SGCZ: variants seen among roughly 807,000 people sequenced by gnomAD.
The protein encoded by SGCZ is sarcoglycan zeta.
A neutral mutation model predicts 41.3 loss-of-function variants in SGCZ; 40 were observed. That is an observed-to-expected ratio of 0.97 (90% confidence interval 0.75 to 1.26). The LOEUF (loss-of-function observed/expected upper bound fraction) is 1.26. Among genes scored for constraint, SGCZ ranks in the 50% most tolerant of loss-of-function variants. The pLI, the probability that SGCZ is intolerant of heterozygous loss-of-function variation, is 0.00. For synonymous variants in SGCZ, 206 were observed against 137.5 expected (o/e 1.50, Z -3.49); for missense variants, 552 against 369.8 (o/e 1.49, Z -4.04).
At chr8:14,152,546 C>G (rs975676680) in intron 5 of SGCZ, among the ~76,000 whole-genome samples, 4 of 152,072 alleles carry the variant, frequency 2.6e-5, no homozygotes, top group Non-Finnish European at 5.9e-5. Flanking sequence ...TATGACAACA[C>G]CAGACTGGAG....
intron 1 of SGCZ, among the ~76,000 whole-genome samples, chr8:14,744,442 G>A (rs1364898202): frequency 6.6e-6 from 1 of 152,058 alleles, no homozygotes; most frequent in Non-Finnish European, 1.5e-5. Context: ...TGCCTTGGTG[G>A]ATGTCATTTG....
chr8:14,856,665 G>A (rs1242685750), intron 1 of SGCZ, among the ~76,000 whole-genome samples: 2 of 152,066 alleles, frequency 1.3e-5, no homozygotes, highest in Non-Finnish European at 2.9e-5. Context: ...GTTCCAATAG[G>A]AAATAATTCA....
At chr8:14,242,775 A>G (rs1437896078) in intron 3 of SGCZ, among the ~76,000 whole-genome samples, 2 of 152,200 alleles carry the variant, frequency 1.3e-5, no homozygotes, top group Admixed American at 6.5e-5. Flanking sequence ...TTGGAACTCC[A>G]TAATTTTGTT....
chr8:14,414,790 G>A (rs867888876), intron 2 of SGCZ, among the ~76,000 whole-genome samples: 1 of 151,796 alleles, frequency 6.6e-6, no homozygotes, highest in African/African-American at 2.4e-5. Flanking sequence ...GGTAAATAAA[G>A]CCATATGTTA....
chr8:14,090,489 ACTC>A lies in SGCZ; in HGVS notation c.890_892del (p.Gly297del). 1 of 1,612,934 alleles carries A rather than the reference ACTC, an allele frequency of 6.2e-7. No individual in the cohort carries two copies. The highest frequency in any genetic ancestry group is 8.5e-7 in the Non-Finnish European group (1 of 1,179,364). ...GCTACTGGACTGACAAGTGGAACCTACTCCTGCTGGAGAAAGGTAAAGTTTGCC... is the reference window on the plus strand; with the variant it reads ...GCTACTGGACTGACAAGTGGAACCTACTGCTGGAGAAAGGTAAAGTTTGCC... On this transcript the variant is annotated inframe_deletion, in exon 8 of 8. Transcript: ENST00000382080.
intron 1 of SGCZ, among the ~76,000 whole-genome samples, chr8:14,692,661 G>A (rs1054097327): frequency 1.3e-5 from 2 of 152,108 alleles, no homozygotes; most frequent in Admixed American, 6.5e-5. Flanking sequence ...TGAACTATTT[G>A]TATCGCCATT....
At chr8:14,684,784 A>G (rs1485219237) in intron 1 of SGCZ, among the ~76,000 whole-genome samples, 1 of 152,088 alleles carries the variant, frequency 6.6e-6, no homozygotes, top group Non-Finnish European at 1.5e-5. Flanking sequence ...CCTTTCAAAA[A>G]AAAATCTACA....
intron 5 of SGCZ, among the ~76,000 whole-genome samples, chr8:14,160,778 T>C (rs1804020532): frequency 6.6e-6 from 1 of 152,110 alleles, no homozygotes; most frequent in African/African-American, 2.4e-5. Flanking sequence ...TCCTGCTGCT[T>C]TGTAGGTAGA....
At position 14,664,764 on chromosome 8, in the gene SGCZ, A is replaced by C. The variant is rs190742357; in HGVS notation, c.40-109838T>G. ...ATCAGCTGTTGACATTACTCTCATA[A>C]TTTGAATTCTGTGAACATTACTACA... On this transcript the variant is annotated intron_variant, in intron 1 of 7. Transcript: ENST00000382080. Among the ~76,000 whole-genome samples, 122 of 152,310 alleles carry C rather than the reference A, an allele frequency of 8.0e-4. 1 individual carries two copies. Among genetic ancestry groups the C allele is most frequent in the African/African-American group, 2.7e-3 (113 of 41,582 alleles).
chr8:15,107,631 C>G (rs908233590), intron 1 of SGCZ, among the ~76,000 whole-genome samples: 1 of 152,180 alleles, frequency 6.6e-6, no homozygotes, highest in African/African-American at 2.4e-5. Context: ...GCCTGCAGGA[C>G]TGTGAACTAC....
chr8:14,278,989 C>T (rs966410375), intron 3 of SGCZ, among the ~76,000 whole-genome samples: 1 of 152,052 alleles, frequency 6.6e-6, no homozygotes, highest in African/African-American at 2.4e-5. Flanking sequence ...AGAAATGGCT[C>T]TGGTTCCTGG....
intron 1 of SGCZ, among the ~76,000 whole-genome samples, chr8:14,626,756 T>C (rs1264605274): frequency 1.3e-5 from 2 of 152,160 alleles, no homozygotes; most frequent in Admixed American, 1.3e-4. Flanking sequence ...AAGAGATCCT[T>C]CCTCACAGCC....
chr8:14,544,008 G>A (rs183576847), intron 2 of SGCZ, among the ~76,000 whole-genome samples: 492 of 152,218 alleles, frequency 3.2e-3, no homozygotes, highest in Middle Eastern at 0.024. Flanking sequence ...ATCAGCAGAT[G>A]TAAGGAGCCC....
At chr8:15,008,215 A>G (rs896747674) in intron 1 of SGCZ, among the ~76,000 whole-genome samples, 5 of 152,046 alleles carry the variant, frequency 3.3e-5, no homozygotes, top group Non-Finnish European at 7.4e-5. Flanking sequence ...TGGATTTGCT[A>G]TTAACCTTAT....
chr8:14,515,028 G>A (rs1452328000), intron 2 of SGCZ, among the ~76,000 whole-genome samples: 1 of 151,622 alleles, frequency 6.6e-6, no homozygotes, highest in Non-Finnish European at 1.5e-5. Context: ...TATTTTATAG[G>A]GCCTGCAACC....
intron 3 of SGCZ, among the ~76,000 whole-genome samples, chr8:14,245,769 A>T (rs1480710926): frequency 6.6e-6 from 1 of 152,222 alleles, no homozygotes; most frequent in Non-Finnish European, 1.5e-5. Context: ...AAACAACCCC[A>T]TCAAAAAGTG....
intron 1 of SGCZ, among the ~76,000 whole-genome samples, chr8:14,851,058 T>C (rs1004853909): frequency 4.6e-5 from 7 of 151,872 alleles, no homozygotes; most frequent in African/African-American, 1.7e-4. Flanking sequence ...AGTCTGCAAG[T>C]GGAAGAAAGC....
intron 1 of SGCZ, among the ~76,000 whole-genome samples, chr8:14,748,901 G>A (rs1799415384): frequency 6.6e-6 from 1 of 151,970 alleles, no homozygotes; most frequent in South Asian, 2.1e-4. Flanking sequence ...TTTACAAATG[G>A]TTTAATGGAG....
intron 1 of SGCZ, among the ~76,000 whole-genome samples, chr8:14,801,590 G>A (rs1298844895): frequency 2.0e-5 from 3 of 152,060 alleles, no homozygotes; most frequent in African/African-American, 4.8e-5. Context: ...AGGTAAGAAC[G>A]GACAGAGATC....
Sources: gnomAD v4.1 joint callset for allele counts (sites outside exome capture counted in the v4.1 genomes callset) on GRCh38, gnomAD v4.1.1 for gene constraint, MANE v1.5 for transcripts, NCBI Gene and HGNC (gene_info 2026-07-23, HGNC 2026-07-21) for gene names.